The following N4BP2 variants were observed in gnomAD, a reference collection of about 807,000 sequenced individuals.
N4BP2 encodes NEDD4 binding protein 2.
A neutral mutation model predicts 152.8 loss-of-function variants in N4BP2; 91 were observed. The observed-to-expected ratio is 0.60, with a 90% confidence interval of 0.50 to 0.71. N4BP2 has a LOEUF of 0.71. N4BP2 is among the 30% of genes least tolerant of loss of function. The pLI is 0.00. For missense variants in N4BP2, 1,923 were observed against 2,059.1 expected, an observed-to-expected ratio of 0.93 and a Z score of 1.28; for synonymous variants, 646 against 705.3, an observed-to-expected ratio of 0.92 and a Z score of 1.33.
At chr4:40,144,862 C>T (rs1024499837) in intron 16 of N4BP2, 62 bp downstream of exon 16, 1 of 1,380,002 alleles carries the variant, frequency 7.2e-7, no homozygotes, top group Non-Finnish European at 9.8e-7. Context: ...ATTGGTATAG[C>T]TTGCAAATTC....
the N4BP2 span, among the ~76,000 whole-genome samples, chr4:40,179,552 C>A: frequency 2.0e-5 from 3 of 152,078 alleles, no homozygotes; most frequent in South Asian, 2.1e-4. Flanking sequence ...CTATTATTAT[C>A]CCCATTTAAC....
chr4:40,154,359 C>CA lies in N4BP2; in HGVS notation c.*129dup. The CA allele has an allele frequency of 1.8e-6, 1 of 568,970 alleles. No individual in the cohort carries two copies. The highest frequency in any genetic ancestry group is 2.9e-6 in the Non-Finnish European group (1 of 347,108). 35.2% of individuals were successfully genotyped at this position (568,970 alleles called of 1,614,324 possible). On this transcript the variant is annotated 3_prime_UTR_variant, in exon 18 of 18. Transcript: ENST00000261435. The stretch of plus-strand genomic sequence containing the variant: ...TTATAAATAATATTCAATTATGAAA[C>CA]AAAAAAATTATGATGTTTTTCAAAA...
At position 40,056,884 on chromosome 4, in the gene N4BP2, C is replaced by T. The variant is rs967909701; in HGVS notation, c.-358C>T. The T allele has an allele frequency of 3.9e-5, 6 of 152,048 alleles. No homozygotes were observed. Among genetic ancestry groups the T allele is most frequent in the African/African-American group, 1.4e-4 (6 of 41,422 alleles). 9.4% of individuals were successfully genotyped at this position (152,048 alleles called of 1,614,324 possible). On this transcript the variant is annotated 5_prime_UTR_variant, in exon 1 of 18. Transcript: ENST00000261435. ...CCGCCGGGCGCGCTCGCCGTGTCTC[C>T]CCCGCGGCCGCAGCTGCTTGCTAGC...
At chr4:40,169,858 G>A in the N4BP2 span, among the ~76,000 whole-genome samples, 8 of 151,474 alleles carry the variant, frequency 5.3e-5, no homozygotes, top group East Asian at 1.2e-3. Context: ...TGAGCTACTC[G>A]GGAGGCTGAG....
intron 2 of N4BP2, among the ~76,000 whole-genome samples, chr4:40,076,213 T>G (rs749416043): frequency 3.3e-5 from 5 of 152,174 alleles, no homozygotes; most frequent in Non-Finnish European, 7.3e-5. Context: ...CGGTGGCTCC[T>G]GCCTGTAATC....
intron 12 of N4BP2, among the ~76,000 whole-genome samples, chr4:40,129,905 G>A (rs1396832970): frequency 6.6e-6 from 1 of 152,076 alleles, no homozygotes; most frequent in African/African-American, 2.4e-5. Flanking sequence ...GATGATTAAG[G>A]TTACAAGGTT....
intron 7 of N4BP2, among the ~76,000 whole-genome samples, chr4:40,116,252 T>C (rs1717323993): frequency 6.6e-6 from 1 of 152,182 alleles, no homozygotes; most frequent in African/African-American, 2.4e-5. Flanking sequence ...TTTTAACTGA[T>C]AAACTTAGTT....
the N4BP2 span, among the ~76,000 whole-genome samples, chr4:40,187,823 T>A: frequency 2.0e-5 from 3 of 152,206 alleles, no homozygotes; most frequent in Admixed American, 6.5e-5. Flanking sequence ...CAGCAGAAAC[T>A]GTGCGTTAGT....
chr4:40,145,718 C>A (rs1720452295), intron 16 of N4BP2, among the ~76,000 whole-genome samples: 1 of 152,028 alleles, frequency 6.6e-6, no homozygotes, highest in Non-Finnish European at 1.5e-5. Context: ...ATTTGATTAT[C>A]TTCTGTATTC....
chr4:40,179,336 C>T, the N4BP2 span, among the ~76,000 whole-genome samples: 1 of 152,158 alleles, frequency 6.6e-6, no homozygotes, highest in East Asian at 1.9e-4. Context: ...AGCCACTGCA[C>T]TCCAGCCTGG....
Position 40,102,764 on chromosome 4 carries a change from G to C in N4BP2, c.919G>C (p.Gly307Arg). Residue 307 changes from glycine (G) to arginine (R), a missense_variant, in exon 4 of 18, where the codon GGG becomes CGG. Coordinates refer to ENST00000261435, the MANE Select transcript of N4BP2 (RefSeq NM_018177.6). Reference sequence around the variant, plus strand: ...AGGGCTTGATTTACCAGGTACAGGTGGGGATCAGAAATCTACTCGGGTCTC... The same window carrying C: ...AGGGCTTGATTTACCAGGTACAGGTCGGGATCAGAAATCTACTCGGGTCTC... ...LPGLDLPGTG[G>R]DQKSTRVSDV... 1 of 1,614,104 alleles carries C rather than the reference G, an allele frequency of 6.2e-7. No individual in the cohort carries two copies.
chr4:40,146,635 C>T (rs1432139276), intron 16 of N4BP2, among the ~76,000 whole-genome samples: 1 of 152,190 alleles, frequency 6.6e-6, no homozygotes, highest in Admixed American at 6.5e-5. Context: ...TACTTTAGCA[C>T]ATACATCACC....
chr4:40,061,007 G>T (rs988545985), intron 1 of N4BP2, among the ~76,000 whole-genome samples: 1 of 151,920 alleles, frequency 6.6e-6, no homozygotes, highest in African/African-American at 2.4e-5. Context: ...TTGAGACGGG[G>T]TGTTGCCATA....
rs557447882 is a variant in N4BP2 at position 40,093,125 on chromosome 4, G to T, written c.-114-4102G>T. On this transcript the variant is annotated intron_variant, in intron 2 of 17. Transcript: ENST00000261435. The stretch of plus-strand genomic sequence containing the variant: ...TGGCCAGCTAATTTTTGTATTTTTA[G>T]TAGAGAAAGGGTTTCACCATGTTGG... Among the ~76,000 whole-genome samples the T allele has an allele frequency of 2.7e-4, 41 of 150,072 alleles. No individual in the cohort carries two copies. The South Asian group carries it at 8.2e-3, about 30-fold the overall frequency.
At chr4:40,063,771 G>A (rs1253010070) in intron 1 of N4BP2, among the ~76,000 whole-genome samples, 2 of 151,872 alleles carry the variant, frequency 1.3e-5, no homozygotes, top group Non-Finnish European at 2.9e-5. Context: ...AGCCTCCCGA[G>A]TAGCTGGGAT....
the N4BP2 span, among the ~76,000 whole-genome samples, chr4:40,184,744 T>G: frequency 6.6e-6 from 1 of 152,056 alleles, no homozygotes; most frequent in Non-Finnish European, 1.5e-5. Context: ...TCATCAAAGA[T>G]CAGGAGTTCG....
chr4:40,143,298 A>G (rs1037384433), intron 15 of N4BP2, among the ~76,000 whole-genome samples: 1 of 152,070 alleles, frequency 6.6e-6, no homozygotes, highest in Non-Finnish European at 1.5e-5. Flanking sequence ...ATGATATTAT[A>G]AGGAACTTGC....
At chr4:40,094,317 G>C (rs1232649257) in intron 2 of N4BP2, among the ~76,000 whole-genome samples, 1 of 152,122 alleles carries the variant, frequency 6.6e-6, no homozygotes, top group Non-Finnish European at 1.5e-5. Flanking sequence ...GTATTTTGCT[G>C]TTGTTGGGTG....
chr4:40,107,907 G>A (rs1560600833), intron 5 of N4BP2, among the ~76,000 whole-genome samples: 2 of 147,014 alleles, frequency 1.4e-5, no homozygotes, highest in Non-Finnish European at 3.0e-5. Context: ...TAAGGAAATT[G>A]CAGTTGTTTC....
Sources: allele counts gnomAD v4.1 joint callset (sites outside exome capture counted in the v4.1 genomes callset), GRCh38; gene constraint gnomAD v4.1.1; transcripts MANE v1.5; gene names NCBI Gene and HGNC (gene_info 2026-07-23, HGNC 2026-07-21).